CMTM8: variants seen among roughly 807,000 people sequenced by gnomAD.
CMTM8 encodes the protein CKLF like MARVEL transmembrane domain containing 8.
A neutral mutation model predicts 18.6 loss-of-function variants in CMTM8; 12 were observed. The ratio of observed to expected loss-of-function variants is 0.65; its 90% CI spans 0.41 to 1.05. The LOEUF (loss-of-function observed/expected upper bound fraction) is 1.05. Among genes scored for constraint, CMTM8 ranks in the 50% least tolerant of loss-of-function variants. The pLI is 0.00. For synonymous variants in CMTM8, 87 were observed against 90.6 expected (o/e 0.96, Z 0.23); for missense variants, 217 against 227.2 (o/e 0.95, Z 0.29).
chr3:32,326,114 C>T (rs1696148257), intron 1 of CMTM8, among the ~76,000 whole-genome samples: 3 of 152,226 alleles, frequency 2.0e-5, no homozygotes, highest in Admixed American at 2.0e-4. Context: ...CCCCACTATA[C>T]CACTCATCTG....
intron 1 of CMTM8, among the ~76,000 whole-genome samples, chr3:32,315,204 A>T (rs1488478209): frequency 2.0e-5 from 3 of 150,298 alleles, no homozygotes; most frequent in Admixed American, 6.7e-5. Flanking sequence ...ATCTCAGCTC[A>T]CCGCAACCTC....
intron 1 of CMTM8, among the ~76,000 whole-genome samples, chr3:32,305,710 T>C (rs1695703275): frequency 1.3e-5 from 2 of 152,238 alleles, no homozygotes; most frequent in Non-Finnish European, 2.9e-5. Flanking sequence ...GAAATCCCAC[T>C]CTTCAGTTCA....
chr3:32,322,216 A>T (rs147384337), intron 1 of CMTM8, among the ~76,000 whole-genome samples: 9 of 152,328 alleles, frequency 5.9e-5, no homozygotes, highest in Non-Finnish European at 1.3e-4. Context: ...TGTGCAGTCC[A>T]ATTCAGATTA....
chr3:32,329,807 G>C (rs963623594), intron 1 of CMTM8, among the ~76,000 whole-genome samples: 1 of 152,146 alleles, frequency 6.6e-6, no homozygotes, highest in Non-Finnish European at 1.5e-5. Flanking sequence ...GGAAAAGAGT[G>C]ATTATCTATG....
rs559777764 is a variant in CMTM8 at position 32,301,025 on chromosome 3, T to TG, written c.148-56347dup. Among the ~76,000 whole-genome samples the TG allele has an allele frequency of 3.1e-4, 47 of 152,262 alleles. No individual in the cohort carries two copies. The East Asian group carries it at 8.5e-3, about 27-fold the overall frequency. ...AAAAATATAAAAATCATCCTTCACT[T>TG]GCAGGTCTTATAAAAACAAATGGCT... is the stretch of plus-strand genomic sequence containing the variant. On this transcript the variant is annotated intron_variant, in intron 1 of 3. Coordinates refer to ENST00000307526, the MANE Select transcript of CMTM8 (RefSeq NM_178868.5).
intron 1 of CMTM8, among the ~76,000 whole-genome samples, chr3:32,275,184 G>T (rs904898238): frequency 1.1e-4 from 16 of 144,604 alleles, no homozygotes; most frequent in African/African-American, 3.0e-4. Flanking sequence ...TGGGTGTTTG[G>T]TTTTTTTTTT....
chr3:32,301,585 G>A (rs1165345105), intron 1 of CMTM8, among the ~76,000 whole-genome samples: 1 of 152,006 alleles, frequency 6.6e-6, no homozygotes, highest in Non-Finnish European at 1.5e-5. Flanking sequence ...CCCTTGGGAG[G>A]GGTCCTCTGT....
intron 1 of CMTM8, among the ~76,000 whole-genome samples, chr3:32,346,754 AC>A (rs1696602615): frequency 6.6e-6 from 1 of 151,900 alleles, no homozygotes; most frequent in Non-Finnish European, 1.5e-5. Context: ...TTTGGGAAGC[AC>A]ACGTTTGGTC....
intron 1 of CMTM8, among the ~76,000 whole-genome samples, chr3:32,284,503 C>T (rs987323478): frequency 6.6e-6 from 1 of 152,138 alleles, no homozygotes; most frequent in Non-Finnish European, 1.5e-5. Flanking sequence ...CATAATTTTT[C>T]CCCTTTAGTC....
chr3:32,242,030 C>T (rs1045550415), intron 1 of CMTM8, among the ~76,000 whole-genome samples: 11 of 152,172 alleles, frequency 7.2e-5, no homozygotes, highest in Admixed American at 1.3e-4. Flanking sequence ...CACAGCTGGC[C>T]GACTGGGCTC....
chr3:32,321,186 C>G (rs975712390), intron 1 of CMTM8, among the ~76,000 whole-genome samples: 1 of 151,374 alleles, frequency 6.6e-6, no homozygotes, highest in Non-Finnish European at 1.5e-5. Flanking sequence ...GGCGGGGGGG[C>G]CAGCATTGTT....
intron 1 of CMTM8, chr3:32,259,972 G>T: frequency 8.9e-7 from 1 of 1,125,120 alleles, no homozygotes. Flanking sequence ...TGCTGCACCT[G>T]GAGTCAGAGC....
chr3:32,345,985 T>C (rs1696587899), intron 1 of CMTM8, among the ~76,000 whole-genome samples: 1 of 152,124 alleles, frequency 6.6e-6, no homozygotes, highest in Non-Finnish European at 1.5e-5. Context: ...TGAAACTCCG[T>C]CTCTACTAAA....
intron 1 of CMTM8, among the ~76,000 whole-genome samples, chr3:32,268,778 T>C (rs1163132721): frequency 2.6e-5 from 4 of 152,176 alleles, no homozygotes; most frequent in African/African-American, 7.2e-5. Flanking sequence ...TAAAAAGCTA[T>C]GGGGTGGTCA....
At chr3:32,354,074 A>G (rs1271287953) in intron 1 of CMTM8, among the ~76,000 whole-genome samples, 2 of 151,886 alleles carry the variant, frequency 1.3e-5, no homozygotes, top group African/African-American at 4.8e-5. Context: ...GTGAGCCACC[A>G]TGCCCGGCTC....
At chr3:32,306,806 T>A (rs1297534494) in intron 1 of CMTM8, among the ~76,000 whole-genome samples, 21 of 152,184 alleles carry the variant, frequency 1.4e-4, no homozygotes, top group Admixed American at 1.3e-3. Context: ...AGAGGGATTA[T>A]CTTGGCAATA....
chr3:32,319,267 CAG>C, intron 1 of CMTM8, among the ~76,000 whole-genome samples: 1 of 150,510 alleles, frequency 6.6e-6, no homozygotes, highest in Non-Finnish European at 1.5e-5. Flanking sequence ...TTAGTAGAGA[CAG>C]GGTTTCACCA....
rs58156524 is a variant in CMTM8, at chr3:32,249,030, C to CTTTTT, written c.147+9935_147+9939dup. On this transcript the variant is annotated intron_variant, in intron 1 of 3. Transcript: ENST00000307526. ...ATGGAGTTACTGGGTAATGTGGAAT[C>CTTTTT]TTTTTTTTTTTTTTTTTTTTTTTTT... 7.7e-4 allele frequency among the ~76,000 whole-genome samples: 48 copies of CTTTTT among 62,456 alleles called. 6 individuals are homozygous for CTTTTT. The highest frequency in any genetic ancestry group is 1.3e-3 in the African/African-American group (19 of 14,620). The allele number at this position is 62,456 out of a possible 152,430, so 41.0% of individuals were successfully genotyped here.
intron 1 of CMTM8, among the ~76,000 whole-genome samples, chr3:32,313,231 C>G (rs1251940829): frequency 6.6e-6 from 1 of 152,158 alleles, no homozygotes; most frequent in Admixed American, 6.5e-5. Flanking sequence ...CTGCTGGTCC[C>G]GAATGAAGCC....
Sources: allele counts gnomAD v4.1 joint callset (sites outside exome capture counted in the v4.1 genomes callset), GRCh38; gene constraint gnomAD v4.1.1; transcripts MANE v1.5; gene names NCBI Gene and HGNC (gene_info 2026-07-23, HGNC 2026-07-21).